Variants in UGT1A6 observed in about 807,000 individuals in gnomAD.
UGT1A6 encodes the protein UDP glucuronosyltransferase family 1 member A6.
Under a neutral mutation model 44.4 loss-of-function variants are expected in UGT1A6, and 32 were observed. The ratio of observed to expected loss-of-function variants is 0.72; its 90% CI spans 0.54 to 0.97. The LOEUF (loss-of-function observed/expected upper bound fraction) is 0.97. UGT1A6 is among the 50% of genes least tolerant of loss of function. The pLI is 0.00. For synonymous variants in UGT1A6, 238 were observed against 248.5 expected (o/e 0.96, Z 0.40); for missense variants, 685 against 661.9 (o/e 1.03, Z -0.38).
intron 1 of UGT1A6, chr2:233,743,649 C>G (rs754713764): frequency 8.0e-6 from 11 of 1,367,286 alleles, no homozygotes; most frequent in Non-Finnish European, 1.1e-5. Context: ...AAGCTGAAGA[C>G]GTACTCGAAG....
rs548796271 is a variant in UGT1A6, at chr2:233,768,515, C to A, written c.1301+76C>A. 220 of 1,546,098 alleles carry A rather than the reference C, an allele frequency of 1.4e-4. No individual in the cohort carries two copies. In the African/African-American group the frequency reaches 2.5e-3, roughly 18 times the overall value. ...ATTGTTTCAAATATGAAAACATTTA[C>A]GTAGCATTTAATAGCGTTGTTTCAA... On this transcript the variant is annotated intron_variant, in intron 4 of 4. Transcript: ENST00000305139.
At chr2:233,755,197 T>C in intron 1 of UGT1A6, 1 of 1,117,644 alleles carries the variant, frequency 8.9e-7, no homozygotes, top group Non-Finnish European at 1.3e-6. Context: ...AGCGCCAGCT[T>C]GCGGTACGCC....
chr2:233,754,874 G>C, intron 1 of UGT1A6: 2 of 1,352,006 alleles, frequency 1.5e-6, no homozygotes, highest in Admixed American at 1.9e-5. Flanking sequence ...CTCTGCTTCT[G>C]CTTCCCAGGG....
In UGT1A6 at chr2:233,693,641, C is replaced by T; in HGVS notation, c.637C>T (p.Leu213Phe). The T allele has an allele frequency of 1.2e-6, 2 of 1,614,166 alleles. No homozygotes were observed. Among genetic ancestry groups the T allele is most frequent in the Non-Finnish European group, 1.7e-6 (2 of 1,180,028 alleles). Residue 213 changes from leucine (L) to phenylalanine (F), a missense_variant, in exon 1 of 5, where the codon CTT becomes TTT. Leu to Phe is a conservative substitution (Grantham distance 22). Coordinates refer to ENST00000305139, the MANE Select transcript of UGT1A6 (RefSeq NM_001072.4). Reference sequence around the variant, plus strand: ...TTTTTCCCAACGAGTGGCCAACTTCCTTGTTAATTTGTTGGAGCCCTATCT... The same window carrying T: ...TTTTTCCCAACGAGTGGCCAACTTCTTTGTTAATTTGTTGGAGCCCTATCT... ...MTFSQRVANF[L>F]VNLLEPYLFY...
At chr2:233,706,387 C>A (rs1481848778) in intron 1 of UGT1A6, among the ~76,000 whole-genome samples, 1 of 152,196 alleles carries the variant, frequency 6.6e-6, no homozygotes, top group Non-Finnish European at 1.5e-5. Flanking sequence ...AAGCAGAGGC[C>A]AAGTACATTT....
chr2:233,719,514 G>T, intron 1 of UGT1A6: 1 of 1,613,922 alleles, frequency 6.2e-7, no homozygotes, highest in Non-Finnish European at 8.5e-7. Context: ...TGCCCCTTAT[G>T]CAAGTCTTGC....
rs777889736 is a variant in UGT1A6, at chr2:233,719,093, C to T, written c.861+25228C>T. On this transcript the variant is annotated intron_variant, in intron 1 of 4. Transcript: ENST00000305139. ...CATGGACCCAGAAGGAATTTGATCGCGTTACGCTGGGCTACACTCAAGGGT... is the reference window on the plus strand; with the variant it reads ...CATGGACCCAGAAGGAATTTGATCGTGTTACGCTGGGCTACACTCAAGGGT... 15 of 1,614,122 alleles carry T rather than the reference C, an allele frequency of 9.3e-6. No homozygotes were observed. The Admixed American group carries it at 1.0e-4, about 11-fold the overall frequency.
chr2:233,708,284 A>C (rs1440900276), intron 1 of UGT1A6, among the ~76,000 whole-genome samples: 1 of 152,172 alleles, frequency 6.6e-6, no homozygotes, highest in Non-Finnish European at 1.5e-5. Flanking sequence ...ATTATCATCA[A>C]ATGCTTTCAG....
At chr2:233,724,359 C>G (rs1387977005) in intron 1 of UGT1A6, among the ~76,000 whole-genome samples, 2 of 146,918 alleles carry the variant, frequency 1.4e-5, no homozygotes, top group South Asian at 4.6e-4. Flanking sequence ...ACCTCCCTCC[C>G]GGACGGGGTG....
chr2:233,737,830 A>T (rs1690602817), intron 1 of UGT1A6, among the ~76,000 whole-genome samples: 1 of 152,126 alleles, frequency 6.6e-6, no homozygotes, highest in South Asian at 2.1e-4. Flanking sequence ...ACAAATTGGG[A>T]ACTGTGGCAC....
chr2:233,704,825 T>C (rs900161304), intron 1 of UGT1A6, among the ~76,000 whole-genome samples: 13 of 152,104 alleles, frequency 8.5e-5, no homozygotes, highest in Admixed American at 6.5e-4. Flanking sequence ...TTTTTAGGAT[T>C]GCTTTTAAAA....
At chr2:233,747,077 T>G (rs1575680795) in intron 1 of UGT1A6, 1 of 1,083,878 alleles carries the variant, frequency 9.2e-7, no homozygotes, top group East Asian at 2.9e-5. Flanking sequence ...AATAATTAAC[T>G]AGGAGGAGAG....
intron 1 of UGT1A6, chr2:233,752,561 A>G (rs1440235236): frequency 6.6e-6 from 1 of 152,232 alleles, no homozygotes; most frequent in Non-Finnish European, 1.5e-5. Context: ...GGGACAACAT[A>G]GTGGGTCAAC....
At chr2:233,696,505 A>C (rs2075346896) in intron 1 of UGT1A6, among the ~76,000 whole-genome samples, 1 of 152,168 alleles carries the variant, frequency 6.6e-6, no homozygotes, top group South Asian at 2.1e-4. Context: ...TTTGCTTGTC[A>C]GTTCTAACAG....
rs1429453691 is a variant in UGT1A6, at chr2:233,751,746, G to C, written c.862-15288G>C. ...AACTCTTCCTCTCTGTTTCTCTCTT[G>C]CTTGCTGCCATGTGAGACATGACTT... On this transcript the variant is annotated intron_variant, in intron 1 of 4. Transcript: ENST00000305139. Among the ~76,000 whole-genome samples, 3 of 152,060 alleles carry C rather than the reference G, an allele frequency of 2.0e-5. No homozygotes were observed. The East Asian group carries it at 5.8e-4, about 29-fold the overall frequency.
intron 1 of UGT1A6, among the ~76,000 whole-genome samples, chr2:233,714,226 A>T (rs533921127): frequency 6.6e-6 from 1 of 152,290 alleles, no homozygotes; most frequent in South Asian, 2.1e-4. Context: ...TGCTGGCAAG[A>T]TTTTCAGTAG....
chr2:233,733,504 G>A lies in UGT1A6; in HGVS notation c.862-33530G>A, dbSNP rs556302512. ...TCCATCAATACCTAGTTTATTGCCA[G>A]TTTTAGGCATGAAGGGATGTTTAAT... On this transcript the variant is annotated intron_variant, in intron 1 of 4. Coordinates refer to ENST00000305139, the MANE Select transcript of UGT1A6 (RefSeq NM_001072.4). 2.0e-5 allele frequency among the ~76,000 whole-genome samples: 3 copies of A among 152,294 alleles called. No individual in the cohort carries two copies. In the South Asian group the frequency reaches 6.2e-4, roughly 32 times the overall value.
At chr2:233,725,113 T>A (rs1198574402) in intron 1 of UGT1A6, among the ~76,000 whole-genome samples, 1 of 138,758 alleles carries the variant, frequency 7.2e-6, no homozygotes, top group African/African-American at 2.9e-5. Flanking sequence ...GGCAGGGAGG[T>A]TGCAGTGAGC....
At chr2:233,758,428 C>T (rs1696877541) in intron 1 of UGT1A6, among the ~76,000 whole-genome samples, 2 of 152,212 alleles carry the variant, frequency 1.3e-5, no homozygotes. Context: ...CAAATGAACT[C>T]ACACAGCATT....
Sources: gnomAD v4.1 joint callset for allele counts (sites outside exome capture counted in the v4.1 genomes callset) on GRCh38, gnomAD v4.1.1 for gene constraint, MANE v1.5 for transcripts, NCBI Gene and HGNC (gene_info 2026-07-23, HGNC 2026-07-21) for gene names.